The following MSI2 variants were observed in gnomAD, a reference collection of about 807,000 sequenced individuals.
MSI2 encodes RNA-binding protein Musashi homolog 2.
MSI2 carries 17 observed loss-of-function variants against 45.6 expected under a neutral mutation model. That is an observed-to-expected ratio of 0.37 (90% confidence interval 0.26 to 0.56). The LOEUF (loss-of-function observed/expected upper bound fraction) is 0.56. Among genes scored for constraint, MSI2 ranks in the 20% least tolerant of loss-of-function variants. MSI2 has a pLI of 0.77. For synonymous variants in MSI2, 156 were observed against 158.2 expected (o/e 0.99, Z 0.11); for missense variants, 293 against 444.2 (o/e 0.66, Z 3.06).
rs912111679 is a variant in MSI2 at position 57,350,243 on chromosome 17, T to C, written c.313-51136T>C. Among the ~76,000 whole-genome samples, 8 of 152,056 alleles carry C rather than the reference T, an allele frequency of 5.3e-5. No individual in the cohort carries two copies. The South Asian group carries it at 1.7e-3, about 32-fold the overall frequency. On this transcript the variant is annotated intron_variant, in intron 5 of 13. Transcript: ENST00000284073. ...AGGTAGGGGTGTGTGTGTGTGTGTGTGTGTGTGTGTGTTCATAGAAGGATG... is the reference window on the plus strand; with the variant it reads ...AGGTAGGGGTGTGTGTGTGTGTGTGCGTGTGTGTGTGTTCATAGAAGGATG...
At chr17:57,579,342 C>T (rs1367412005) in intron 7 of MSI2, among the ~76,000 whole-genome samples, 3 of 152,188 alleles carry the variant, frequency 2.0e-5, no homozygotes, top group Non-Finnish European at 4.4e-5. Context: ...CGGTTGCCTT[C>T]TCTGGAGGAC....
At chr17:57,415,849 C>T (rs76252351) in intron 6 of MSI2, among the ~76,000 whole-genome samples, 1 of 152,244 alleles carries the variant, frequency 6.6e-6, no homozygotes, top group African/African-American at 2.4e-5. Flanking sequence ...AAATCCGGAA[C>T]CATGGAAGTC....
intron 6 of MSI2, among the ~76,000 whole-genome samples, chr17:57,459,756 G>T (rs986559023): frequency 1.3e-5 from 2 of 152,138 alleles, no homozygotes; most frequent in African/African-American, 2.4e-5. Context: ...CACTTTAGGA[G>T]GCTGAGGCAG....
intron 5 of MSI2, among the ~76,000 whole-genome samples, chr17:57,371,071 C>G (rs1468289899): frequency 2.0e-5 from 3 of 152,098 alleles, no homozygotes; most frequent in African/African-American, 7.2e-5. Context: ...TTGCTGTTTT[C>G]TTGTTAATTT....
intron 5 of MSI2, among the ~76,000 whole-genome samples, chr17:57,277,286 G>A (rs1908956438): frequency 6.6e-6 from 1 of 152,242 alleles, no homozygotes; most frequent in South Asian, 2.1e-4. Flanking sequence ...TCGAACTCCT[G>A]ACCTCAAGTG....
chr17:57,638,919 A>C (rs1910039321), intron 10 of MSI2, among the ~76,000 whole-genome samples: 2 of 152,198 alleles, frequency 1.3e-5, no homozygotes, highest in Admixed American at 1.3e-4. Context: ...GAAAACATAA[A>C]GTTATATTTC....
intron 5 of MSI2, among the ~76,000 whole-genome samples, chr17:57,276,589 T>A (rs1908866055): frequency 6.6e-6 from 1 of 152,192 alleles, no homozygotes; most frequent in Non-Finnish European, 1.5e-5. Context: ...TGCAAAGCAT[T>A]CTCTTAGAAC....
At chr17:57,565,840 G>C (rs528783896) in intron 7 of MSI2, 5 of 152,262 alleles carry the variant, frequency 3.3e-5, no homozygotes, top group African/African-American at 4.8e-5. Flanking sequence ...CCTCTTTCTC[G>C]GGCTCCCTGG....
At chr17:57,379,483 T>G (rs79908678) in intron 5 of MSI2, among the ~76,000 whole-genome samples, 64 of 144,242 alleles carry the variant, frequency 4.4e-4, no homozygotes, top group Non-Finnish European at 8.0e-4. Flanking sequence ...TCTTTCTTCT[T>G]TTTTTTTTTT....
chr17:57,281,623 A>AATTT (rs1167182482), intron 5 of MSI2, among the ~76,000 whole-genome samples: 2 of 152,148 alleles, frequency 1.3e-5, no homozygotes, highest in Non-Finnish European at 2.9e-5. Context: ...AATGCTTTAA[A>AATTT]AAGCCTTGTT....
chr17:57,449,366 G>A (rs566410165), intron 6 of MSI2: 1 of 152,286 alleles, frequency 6.6e-6, no homozygotes, highest in East Asian at 1.9e-4. Flanking sequence ...TCACACGTGT[G>A]GAGGACTGGG....
chr17:57,294,404 C>T (rs142329589), intron 5 of MSI2, among the ~76,000 whole-genome samples: 1 of 152,228 alleles, frequency 6.6e-6, no homozygotes, highest in African/African-American at 2.4e-5. Flanking sequence ...GCTGGCGTGG[C>T]ACTGTTGGGG....
At chr17:57,323,430 G>A (rs562115023) in intron 5 of MSI2, among the ~76,000 whole-genome samples, 2 of 152,366 alleles carry the variant, frequency 1.3e-5, no homozygotes, top group South Asian at 4.1e-4. Context: ...AATCTCCAGG[G>A]AAATGCGGGG....
intron 6 of MSI2, among the ~76,000 whole-genome samples, chr17:57,467,875 CT>C (rs568169917): frequency 8.3e-6 from 1 of 120,100 alleles, no homozygotes; most frequent in African/African-American, 3.2e-5. Context: ...GTCATTCCCC[CT>C]CTCCTCTGTG....
chr17:57,392,043 A>G (rs8075881), intron 5 of MSI2, among the ~76,000 whole-genome samples: 150,157 of 152,332 alleles, frequency 0.99, 74,043 homozygotes, highest in Middle Eastern at 1. Context: ...AACCGCCTGC[A>G]GATGCAGAGC....
rs117015225 is a variant in MSI2 at position 57,337,711 on chromosome 17, C to T, written c.313-63668C>T. ...TTGGTCTTTTGCCAAGCCAAAACAG[C>T]GGCTGCTTGCTTTTCAGAAGGAAAG... On this transcript the variant is annotated intron_variant, in intron 5 of 13. Coordinates refer to ENST00000284073, the MANE Select transcript of MSI2 (RefSeq NM_138962.4). Among the ~76,000 whole-genome samples the T allele has an allele frequency of 6.6e-3, 1,002 of 152,262 alleles. 5 individuals carry two copies. The highest frequency in any genetic ancestry group is 0.011 in the Non-Finnish European group (748 of 68,024).
At chr17:57,382,580 T>C (rs2083615631) in intron 5 of MSI2, among the ~76,000 whole-genome samples, 1 of 152,120 alleles carries the variant, frequency 6.6e-6, no homozygotes, top group South Asian at 2.1e-4. Flanking sequence ...AACAGGAAGA[T>C]GAAGCTTCAA....
intron 7 of MSI2, among the ~76,000 whole-genome samples, chr17:57,578,557 G>A (rs2088114130): frequency 6.6e-6 from 1 of 151,994 alleles, no homozygotes; most frequent in African/African-American, 2.4e-5. Flanking sequence ...AATGCCCAGG[G>A]GATGAGGGGA....
intron 3 of MSI2, 51 bp from the exon 4 acceptor site, chr17:57,258,219 A>T: frequency 6.4e-7 from 1 of 1,552,162 alleles, no homozygotes; most frequent in Non-Finnish European, 8.9e-7. Flanking sequence ...GGTTGCTTTC[A>T]ATGGTGTCAC....
Sources: allele counts gnomAD v4.1 joint callset (sites outside exome capture counted in the v4.1 genomes callset), GRCh38; gene constraint gnomAD v4.1.1; transcripts MANE v1.5; gene names NCBI Gene and HGNC (gene_info 2026-07-23, HGNC 2026-07-21).